Variants in PIP5K1B observed in about 807,000 individuals in gnomAD.
PIP5K1B encodes the protein phosphatidylinositol 4-phosphate 5-kinase type-1 beta.
A neutral mutation model predicts 67.0 loss-of-function variants in PIP5K1B; 42 were observed. That is an observed-to-expected ratio of 0.63 (90% confidence interval 0.49 to 0.81). PIP5K1B has a LOEUF of 0.81. PIP5K1B is among the 30% of genes least tolerant of loss of function. The pLI, the probability that PIP5K1B is intolerant of heterozygous loss-of-function variation, is 0.00. For missense variants in PIP5K1B, 459 were observed against 646.3 expected (o/e 0.71, Z 3.14); for synonymous variants, 214 against 231.4 (o/e 0.92, Z 0.68).
At chr9:68,759,017 G>T (rs2132381656) in intron 2 of PIP5K1B, among the ~76,000 whole-genome samples, 1 of 152,192 alleles carries the variant, frequency 6.6e-6, no homozygotes, top group South Asian at 2.1e-4. Flanking sequence ...GGAACTTTCA[G>T]ACATTCTCAG....
intron 2 of PIP5K1B, among the ~76,000 whole-genome samples, chr9:68,801,866 T>C (rs1174333320): frequency 6.6e-6 from 1 of 152,240 alleles, no homozygotes; most frequent in Non-Finnish European, 1.5e-5. Context: ...CCCCAGCATA[T>C]TAGCAGCGCA....
At chr9:68,828,620 C>T (rs1834115250) in intron 4 of PIP5K1B, among the ~76,000 whole-genome samples, 1 of 152,168 alleles carries the variant, frequency 6.6e-6, no homozygotes, top group African/African-American at 2.4e-5. Flanking sequence ...GCTTTTTCAC[C>T]ATGAGTAAGA....
chr9:68,844,554 G>T (rs901594460), intron 4 of PIP5K1B, among the ~76,000 whole-genome samples: 1 of 152,038 alleles, frequency 6.6e-6, no homozygotes, highest in Non-Finnish European at 1.5e-5. Flanking sequence ...AGCCCAGAAA[G>T]ATGTCCGAGT....
At chr9:68,920,784 T>TCTCTCACACACA (rs879785029) in intron 11 of PIP5K1B, among the ~76,000 whole-genome samples, 1 of 142,136 alleles carries the variant, frequency 7.0e-6, no homozygotes, top group African/African-American at 2.8e-5. Flanking sequence ...TCTCTCTCTC[T>TCTCTCACACACA]CACACACATA....
chr9:68,829,526 T>C (rs893899642), intron 4 of PIP5K1B, among the ~76,000 whole-genome samples: 1 of 152,294 alleles, frequency 6.6e-6, no homozygotes, highest in East Asian at 1.9e-4. Flanking sequence ...TTCTAGGAGA[T>C]AGAGGTCAAG....
intron 14 of PIP5K1B, among the ~76,000 whole-genome samples, chr9:68,942,990 C>T (rs1362044462): frequency 6.6e-6 from 1 of 152,190 alleles, no homozygotes; most frequent in Non-Finnish European, 1.5e-5. Flanking sequence ...AACTGAGCCA[C>T]CAGCAGCACT....
Position 68,940,711 on chromosome 9 carries a change from T to G in PIP5K1B, c.1423T>G (p.Leu475Val). 1 of 1,614,082 alleles carries G rather than the reference T, an allele frequency of 6.2e-7. No individual in the cohort carries two copies. Among genetic ancestry groups the G allele is most frequent in the Middle Eastern group, 1.7e-4 (1 of 6,060 alleles). Residue 475 changes from leucine (L) to valine (V), a missense_variant, in exon 14 of 16, where the codon TTG (leucine) becomes GTG (valine). By Grantham distance (32) the Leu-to-Val change is conservative. This residue lies in a region of PIP5K1B where 169 missense variants were observed against 171.9 expected (regional missense o/e 0.98). Coordinates refer to ENST00000265382, the MANE Select transcript of PIP5K1B (RefSeq NM_003558.4). ...TCCATCACTGTTTGAAGCTGCTTCCTTGGCAACCACAATTTCATCTTCTTC... is the reference window on the plus strand; with the variant it reads ...TCCATCACTGTTTGAAGCTGCTTCCGTGGCAACCACAATTTCATCTTCTTC... ...STPSLFEAAS[L>V]ATTISSSSLY...
chr9:68,739,381 C>T (rs1392556767), intron 1 of PIP5K1B, among the ~76,000 whole-genome samples: 1 of 152,192 alleles, frequency 6.6e-6, no homozygotes, highest in African/African-American at 2.4e-5. Flanking sequence ...TTAGATTAAC[C>T]TCTCAGAGTT....
At chr9:68,816,472 G>A (rs1196625101) in intron 2 of PIP5K1B, among the ~76,000 whole-genome samples, 1 of 152,142 alleles carries the variant, frequency 6.6e-6, no homozygotes, top group Non-Finnish European at 1.5e-5. Context: ...ATAAATGCAA[G>A]AAAATTTCCA....
intron 14 of PIP5K1B, among the ~76,000 whole-genome samples, chr9:68,987,711 G>A (rs1287720328): frequency 6.6e-6 from 1 of 152,160 alleles, no homozygotes; most frequent in Non-Finnish European, 1.5e-5. Flanking sequence ...GGCTGGGGAG[G>A]CCTCACAATC....
chr9:68,825,664 T>A (rs1194214697), intron 4 of PIP5K1B, among the ~76,000 whole-genome samples: 1 of 152,228 alleles, frequency 6.6e-6, no homozygotes, highest in Non-Finnish European at 1.5e-5. Flanking sequence ...GATCCCAGGT[T>A]AAGGCCCCTG....
chr9:68,756,364 G>A (rs1564111265), intron 2 of PIP5K1B, among the ~76,000 whole-genome samples: 1 of 152,174 alleles, frequency 6.6e-6, no homozygotes, highest in East Asian at 1.9e-4. Flanking sequence ...GGAAAAAATA[G>A]ATGTCTAAAA....
At chr9:68,865,644 A>G (rs930529839) in intron 5 of PIP5K1B, among the ~76,000 whole-genome samples, 1 of 152,142 alleles carries the variant, frequency 6.6e-6, no homozygotes. Context: ...CCAGTGTCCA[A>G]TCAACACAGC....
intron 14 of PIP5K1B, among the ~76,000 whole-genome samples, chr9:68,979,468 G>T (rs547462638): frequency 9.6e-5 from 11 of 114,198 alleles, no homozygotes; most frequent in African/African-American, 2.8e-4. Flanking sequence ...AGCGATATAC[G>T]GTGAAAAAGG....
chr9:68,905,411 A>C (rs1393164328), intron 8 of PIP5K1B, among the ~76,000 whole-genome samples: 1 of 151,678 alleles, frequency 6.6e-6, no homozygotes, highest in East Asian at 1.9e-4. Context: ...AAAACAGGGC[A>C]GAGTTGCCAA....
At chr9:68,814,354 A>AG (rs1833324158) in intron 2 of PIP5K1B, among the ~76,000 whole-genome samples, 1 of 152,234 alleles carries the variant, frequency 6.6e-6, no homozygotes, top group Non-Finnish European at 1.5e-5. Flanking sequence ...ATGAGTAAAA[A>AG]TAAGTATAGT....
intron 2 of PIP5K1B, among the ~76,000 whole-genome samples, chr9:68,775,920 A>G (rs924812084): frequency 2.0e-5 from 3 of 152,148 alleles, no homozygotes; most frequent in African/African-American, 7.2e-5. Flanking sequence ...GCTATTACAC[A>G]TAATAATAAT....
chr9:68,897,518 A>G (rs1026905592), intron 8 of PIP5K1B, among the ~76,000 whole-genome samples: 2 of 152,232 alleles, frequency 1.3e-5, no homozygotes, highest in African/African-American at 2.4e-5. Context: ...AACAATAGGT[A>G]TGAAACAATG....
chr9:68,873,778 T>A (rs193122487), intron 5 of PIP5K1B, among the ~76,000 whole-genome samples: 1 of 152,212 alleles, frequency 6.6e-6, no homozygotes, highest in African/African-American at 2.4e-5. Flanking sequence ...GTAGAGGTTC[T>A]GTACTGGGCC....
Sources: gnomAD v4.1 joint callset for allele counts (sites outside exome capture counted in the v4.1 genomes callset) on GRCh38, gnomAD v4.1.1 for gene constraint, gnomAD v4.1.1 regional missense constraint, MANE v1.5 for transcripts, NCBI Gene and HGNC (gene_info 2026-07-23, HGNC 2026-07-21) for gene names.